Variants in SRGAP3 observed in about 807,000 individuals in gnomAD.
SRGAP3 encodes SLIT-ROBO Rho GTPase activating protein 3, also known as SLIT-ROBO Rho GTPase-activating protein 3.
A neutral mutation model predicts 121.1 loss-of-function variants in SRGAP3; 39 were observed. The observed-to-expected ratio is 0.32, with a 90% CI of 0.25 to 0.42. The LOEUF is 0.42. Among genes scored for constraint, SRGAP3 ranks in the 10% least tolerant of loss-of-function variants. The pLI is 1.00. For synonymous variants in SRGAP3, 601 were observed against 570.0 expected (o/e 1.05, Z -0.77); for missense variants, 1,213 against 1,470.6 (o/e 0.82, Z 2.86).
chr3:9,307,165 G>T (rs923340682), intron 3 of SRGAP3, among the ~76,000 whole-genome samples: 1 of 152,080 alleles, frequency 6.6e-6, no homozygotes, highest in Non-Finnish European at 1.5e-5. Flanking sequence ...GTAGAGATGG[G>T]GTTTCACCAT....
intron 19 of SRGAP3, among the ~76,000 whole-genome samples, 196 bp from the exon 20 acceptor site, chr3:8,993,251 C>T (rs1003194668): frequency 2.0e-5 from 3 of 152,336 alleles, no homozygotes; most frequent in East Asian, 3.9e-4. Flanking sequence ...GGTCAGTTTC[C>T]GCAGCTGGGA....
intron 1 of SRGAP3, among the ~76,000 whole-genome samples, chr3:9,358,527 G>GCAA: frequency 6.6e-6 from 1 of 152,132 alleles, no homozygotes; most frequent in Non-Finnish European, 1.5e-5. Flanking sequence ...TCAGCCAGCA[G>GCAA]GCAAGCAATC....
At chr3:9,027,272 C>A (rs1944254876) in intron 12 of SRGAP3, among the ~76,000 whole-genome samples, 1 of 152,200 alleles carries the variant, frequency 6.6e-6, no homozygotes, top group African/African-American at 2.4e-5. Context: ...CCTGGCAGGC[C>A]CACTTGGGCA....
At position 9,322,354 on chromosome 3, in the gene SRGAP3, G is replaced by T. The variant is rs189205386; in HGVS notation, n.442+3656C>A. Among the ~76,000 whole-genome samples the T allele has an allele frequency of 2.2e-4, 34 of 151,920 alleles. 1 individual carries two copies. Among genetic ancestry groups the T allele is most frequent in the South Asian group, 8.3e-4 (4 of 4,822 alleles). Reference sequence around the variant, plus strand: ...GCAGCACACAAGGCCTTCCCAAAGTGGGTTCCATGAAAGACTAGGTCTGTA... The same window carrying T: ...GCAGCACACAAGGCCTTCCCAAAGTTGGTTCCATGAAAGACTAGGTCTGTA... On this transcript the variant is annotated intron_variant and non_coding_transcript_variant, in intron 3 of 3. Transcript: ENST00000490889.
intron 1 of SRGAP3, among the ~76,000 whole-genome samples, chr3:9,149,418 G>A (rs1030257195): frequency 6.6e-6 from 1 of 152,076 alleles, no homozygotes; most frequent in African/African-American, 2.4e-5. Flanking sequence ...CACTTCTTCA[G>A]TCTCTCCTTG....
chr3:9,160,893 A>G (rs1014715123), intron 1 of SRGAP3, among the ~76,000 whole-genome samples: 2 of 152,186 alleles, frequency 1.3e-5, no homozygotes, highest in Admixed American at 1.3e-4. Flanking sequence ...ATAAATAATG[A>G]TTGTAATGGA....
At chr3:9,160,024 T>C (rs2125074232) in intron 1 of SRGAP3, among the ~76,000 whole-genome samples, 1 of 152,184 alleles carries the variant, frequency 6.6e-6, no homozygotes, top group Middle Eastern at 3.4e-3. Context: ...TCAGATCAGG[T>C]AGTGGTTGAG....
chr3:9,056,876 G>A (rs1945848389), intron 7 of SRGAP3, among the ~76,000 whole-genome samples: 1 of 151,992 alleles, frequency 6.6e-6, no homozygotes, highest in Admixed American at 6.5e-5. Context: ...GAGAAATGCT[G>A]TTCTCCCTCT....
chr3:9,264,841 T>C (rs995719555), intron 3 of SRGAP3, among the ~76,000 whole-genome samples: 1 of 152,208 alleles, frequency 6.6e-6, no homozygotes, highest in Non-Finnish European at 1.5e-5. Flanking sequence ...AAGCTACCAT[T>C]GACTTTCTTC....
At chr3:9,174,952 G>A (rs1012487570) in intron 1 of SRGAP3, among the ~76,000 whole-genome samples, 4 of 152,192 alleles carry the variant, frequency 2.6e-5, no homozygotes, top group Non-Finnish European at 4.4e-5. Flanking sequence ...CCAGGGAGGC[G>A]TCATTCCGTG....
chr3:9,103,834 C>T (rs1948310884), intron 3 of SRGAP3, among the ~76,000 whole-genome samples: 2 of 152,190 alleles, frequency 1.3e-5, no homozygotes, highest in Admixed American at 1.3e-4. Context: ...ACGTGGGATA[C>T]AGAGACCTCA....
At position 9,156,395 on chromosome 3, in the gene SRGAP3, C is replaced by G. The variant is rs551322768; in HGVS notation, c.68-31478G>C. 2.0e-5 allele frequency among the ~76,000 whole-genome samples: 3 copies of G among 152,332 alleles called. No individual in the cohort carries two copies. In the South Asian group the frequency reaches 6.2e-4, roughly 32 times the overall value. On this transcript the variant is annotated intron_variant, in intron 1 of 21. Transcript: ENST00000383836. ...CCCAGCAGAGTTCCCAGTGCAGAAC[C>G]AGACCCTGTGGCAGCTCCGGGCTTA...
At chr3:9,010,485 C>T in intron 17 of SRGAP3, 98 bp from the exon 18 acceptor site, 1 of 1,334,640 alleles carries the variant, frequency 7.5e-7, no homozygotes, top group Admixed American at 1.7e-5. Context: ...TCTGGGCCCT[C>T]CCGCAGCTCA....
At chr3:9,261,780 G>T (rs1954260145) in intron 3 of SRGAP3, among the ~76,000 whole-genome samples, 1 of 150,092 alleles carries the variant, frequency 6.7e-6, no homozygotes, top group Non-Finnish European at 1.5e-5. Flanking sequence ...CACACTTCAG[G>T]ATATTATCCA....
chr3:9,124,037 T>G (rs1949125414), intron 2 of SRGAP3, among the ~76,000 whole-genome samples: 1 of 152,090 alleles, frequency 6.6e-6, no homozygotes, highest in South Asian at 2.1e-4. Flanking sequence ...CCTGCCTGCC[T>G]GTATTTAATG....
intron 2 of SRGAP3, among the ~76,000 whole-genome samples, chr3:9,120,284 A>G (rs1398053638): frequency 6.6e-6 from 1 of 152,198 alleles, no homozygotes; most frequent in African/African-American, 2.4e-5. Context: ...GAATCAAGGA[A>G]GCTTTTCAAT....
intron 3 of SRGAP3, among the ~76,000 whole-genome samples, chr3:9,307,276 C>A (rs993598052): frequency 6.6e-6 from 1 of 152,126 alleles, no homozygotes; most frequent in Non-Finnish European, 1.5e-5. Flanking sequence ...GCCCAGCCCC[C>A]AGTTAGGATC....
intron 2 of SRGAP3, among the ~76,000 whole-genome samples, chr3:9,329,887 C>A (rs1022894109): frequency 2.0e-5 from 3 of 152,294 alleles, no homozygotes; most frequent in Middle Eastern, 3.4e-3. Context: ...AACAGAAGAG[C>A]AGTTGACATC....
At chr3:9,287,842 G>A (rs536776650) in intron 3 of SRGAP3, among the ~76,000 whole-genome samples, 6 of 152,224 alleles carry the variant, frequency 3.9e-5, no homozygotes, top group African/African-American at 1.4e-4. Flanking sequence ...GTTCTTTAGA[G>A]GTCATCTGTC....
Sources: gnomAD v4.1 joint callset for allele counts (sites outside exome capture counted in the v4.1 genomes callset) on GRCh38, gnomAD v4.1.1 for gene constraint, MANE v1.5 for transcripts, NCBI Gene and HGNC (gene_info 2026-07-23, HGNC 2026-07-21) for gene names.